Variants in CADM1 observed in about 807,000 individuals in gnomAD.
CADM1 encodes the protein TSLC-1.
A neutral mutation model predicts 53.1 loss-of-function variants in CADM1; 15 were observed. The ratio of observed to expected loss-of-function variants is 0.28; its 90% CI spans 0.19 to 0.44. The LOEUF (loss-of-function observed/expected upper bound fraction) is 0.44, where lower values mean the gene tolerates loss of function less well. Ranked by LOEUF, CADM1 falls within the 20% of genes least tolerant of loss-of-function variation. The pLI is 1.00. For synonymous variants in CADM1, 281 were observed against 243.0 expected (o/e 1.16, Z -1.45); for missense variants, 434 against 611.3 (o/e 0.71, Z 3.06).
intron 1 of CADM1, among the ~76,000 whole-genome samples, chr11:115,262,324 A>G (rs1211422760): frequency 1.3e-5 from 2 of 152,242 alleles, no homozygotes; most frequent in Admixed American, 6.5e-5. Context: ...TTTAGAATCT[A>G]AAAGGATGAA....
chr11:115,252,713 A>C (rs1942645221), intron 1 of CADM1, among the ~76,000 whole-genome samples: 1 of 152,172 alleles, frequency 6.6e-6, no homozygotes, highest in Non-Finnish European at 1.5e-5. Flanking sequence ...TGTTAGGCTG[A>C]TAATGCAATG....
chr11:115,173,491 C>T lies in CADM1; in HGVS notation c.*2983G>A, dbSNP rs4450197. On this transcript the variant is annotated 3_prime_UTR_variant, in exon 12 of 12. Transcript: ENST00000331581. ...AGAGCGCGGCCCCCAGCAACCCAGCCGGCAGCATGTCCTAGCATCTACTGC... is the reference window on the plus strand; with the variant it reads ...AGAGCGCGGCCCCCAGCAACCCAGCTGGCAGCATGTCCTAGCATCTACTGC... 139,865 of 152,750 alleles carry T rather than the reference C, an allele frequency of 0.92. 64,514 individuals carry two copies. The highest frequency in any genetic ancestry group is 0.98 in the South Asian group (4,710 of 4,824). 9.5% of individuals were successfully genotyped at this position (152,750 alleles called of 1,614,324 possible).
intron 1 of CADM1, among the ~76,000 whole-genome samples, chr11:115,331,923 T>C (rs1404465471): frequency 1.3e-5 from 2 of 149,380 alleles, no homozygotes; most frequent in African/African-American, 5.0e-5. Flanking sequence ...TCCCCTCCCC[T>C]GCGTGGGGAA....
intron 1 of CADM1, among the ~76,000 whole-genome samples, chr11:115,306,072 C>CCACACACAGACA (rs1944361669): frequency 7.7e-6 from 1 of 130,390 alleles, no homozygotes; most frequent in Admixed American, 8.2e-5. Context: ...AGGATATATA[C>CCACACACAGACA]CACACACACA....
chr11:115,461,019 C>A (rs1379542923), intron 1 of CADM1, among the ~76,000 whole-genome samples: 3 of 152,102 alleles, frequency 2.0e-5, no homozygotes, highest in Non-Finnish European at 4.4e-5. Flanking sequence ...GCCTGCTAAC[C>A]AACCTGAAGT....
At chr11:115,217,676 C>A (rs1343049715) in intron 6 of CADM1, among the ~76,000 whole-genome samples, 1 of 152,154 alleles carries the variant, frequency 6.6e-6, no homozygotes, top group Non-Finnish European at 1.5e-5. Context: ...GCTGAGATTT[C>A]AATCTTAGCG....
At chr11:115,202,920 A>G (rs1940502655) in intron 8 of CADM1, among the ~76,000 whole-genome samples, 1 of 151,838 alleles carries the variant, frequency 6.6e-6, no homozygotes, top group South Asian at 2.1e-4. Flanking sequence ...CTGGAAAATT[A>G]AACTCTGGAA....
intron 10 of CADM1, chr11:115,178,976 A>G (rs992512108): frequency 8.0e-6 from 5 of 623,820 alleles, no homozygotes; most frequent in Non-Finnish European, 1.2e-5. Context: ...CCACGAGGCA[A>G]TTTCATGATA....
intron 1 of CADM1, among the ~76,000 whole-genome samples, chr11:115,479,464 G>C (rs1219830420): frequency 6.6e-6 from 1 of 152,014 alleles, no homozygotes; most frequent in Non-Finnish European, 1.5e-5. Flanking sequence ...TAGAGCTTCA[G>C]AACCCAACCC....
At position 115,175,405 on chromosome 11, in the gene CADM1, T is replaced by C. The variant is rs1443791622; in HGVS notation, c.*1069A>G. ...AAAAAAAAAAATCAACTCTGTCCCATTCAGTCATTCGCACAACAGACGAAC... is the reference window on the plus strand; with the variant it reads ...AAAAAAAAAAATCAACTCTGTCCCACTCAGTCATTCGCACAACAGACGAAC... On this transcript the variant is annotated 3_prime_UTR_variant, in exon 12 of 12. Coordinates refer to ENST00000331581, the MANE Select transcript of CADM1 (RefSeq NM_001301043.2). The C allele has an allele frequency of 2.6e-5, 26 of 985,120 alleles. No individual in the cohort carries two copies. The highest frequency in any genetic ancestry group is 2.9e-5 in the Non-Finnish European group (24 of 829,854). The allele number at this position is 985,120 out of a possible 1,614,324, so 61.0% of individuals were successfully genotyped here.
chr11:115,391,650 C>G (rs1398257), intron 1 of CADM1, among the ~76,000 whole-genome samples: 1 of 152,188 alleles, frequency 6.6e-6, no homozygotes, highest in African/African-American at 2.4e-5. Context: ...CAAAACAACA[C>G]TAGCACTTAC....
intron 1 of CADM1, among the ~76,000 whole-genome samples, chr11:115,242,755 G>C (rs1252234846): frequency 1.3e-5 from 2 of 152,160 alleles, no homozygotes; most frequent in Non-Finnish European, 2.9e-5. Flanking sequence ...GGTACATGTG[G>C]AAAGGCCTGG....
intron 1 of CADM1, among the ~76,000 whole-genome samples, chr11:115,290,175 G>A (rs971608527): frequency 1.3e-5 from 2 of 152,192 alleles, no homozygotes; most frequent in African/African-American, 4.8e-5. Context: ...GTCTGCAGAG[G>A]CCTGGTGGTT....
intron 1 of CADM1, among the ~76,000 whole-genome samples, chr11:115,298,603 T>C (rs1305396486): frequency 1.3e-5 from 2 of 152,216 alleles, no homozygotes; most frequent in African/African-American, 4.8e-5. Context: ...ATGACACAAA[T>C]CTGAAAGATA....
At chr11:115,375,686 G>A (rs775697010) in intron 1 of CADM1, among the ~76,000 whole-genome samples, 2 of 152,004 alleles carry the variant, frequency 1.3e-5, no homozygotes, top group Non-Finnish European at 2.9e-5. Context: ...AATTATATTG[G>A]AACCAATCCT....
intron 10 of CADM1, among the ~76,000 whole-genome samples, chr11:115,184,663 T>C (rs1273312356): frequency 1.3e-5 from 2 of 152,238 alleles, no homozygotes; most frequent in Non-Finnish European, 2.9e-5. Context: ...CCCAGGCATC[T>C]ACTACTACAC....
Position 115,318,884 on chromosome 11 carries a change from C to T in CADM1, c.125-78464G>A, listed in dbSNP as rs568682854. 3.3e-5 allele frequency among the ~76,000 whole-genome samples: 5 copies of T among 152,216 alleles called. No homozygotes were observed. In the South Asian group the frequency reaches 1.0e-3, roughly 32 times the overall value. ...ATAAGCATTTTAAGTATCTATAGGA[C>T]ATTAACCTAGAGATATTAAGGAAGT... On this transcript the variant is annotated intron_variant, in intron 1 of 11. Coordinates refer to ENST00000331581, the MANE Select transcript of CADM1 (RefSeq NM_001301043.2).
chr11:115,384,099 T>C (rs1031684230), intron 1 of CADM1, among the ~76,000 whole-genome samples: 5 of 152,158 alleles, frequency 3.3e-5, no homozygotes, highest in African/African-American at 1.2e-4. Context: ...AAAAATAATA[T>C]GGACAGAATT....
intron 1 of CADM1, among the ~76,000 whole-genome samples, chr11:115,468,052 G>C (rs1198193424): frequency 1.3e-5 from 2 of 152,124 alleles, no homozygotes; most frequent in Non-Finnish European, 2.9e-5. Context: ...TTTGCATATA[G>C]AAAAAGATGT....
Sources: allele counts gnomAD v4.1 joint callset (sites outside exome capture counted in the v4.1 genomes callset), GRCh38; gene constraint gnomAD v4.1.1; transcripts MANE v1.5; gene names NCBI Gene and HGNC (gene_info 2026-07-23, HGNC 2026-07-21).